TET1: variants seen among roughly 807,000 people sequenced by gnomAD.
The protein encoded by TET1 is methylcytosine dioxygenase TET1.
In TET1, 13 loss-of-function variants were observed where a neutral mutation model predicts 148.7. That is an observed-to-expected ratio of 0.09 (90% confidence interval 0.06 to 0.14). The LOEUF (loss-of-function observed/expected upper bound fraction) is 0.14, where lower values mean the gene tolerates loss of function less well. Among genes scored for constraint, TET1 ranks in the 10% least tolerant of loss-of-function variants. The pLI is 1.00. For synonymous variants in TET1, 907 were observed against 937.2 expected, an observed-to-expected ratio of 0.97 and a Z score of 0.59; for missense variants, 2,182 against 2,553.8, an observed-to-expected ratio of 0.85 and a Z score of 3.14.
chr10:68,668,409 G>A (rs1345514416), intron 7 of TET1, among the ~76,000 whole-genome samples: 1 of 152,140 alleles, frequency 6.6e-6, no homozygotes, highest in African/African-American at 2.4e-5. Flanking sequence ...AGCGATATTC[G>A]GGGAACTGCT....
intron 2 of TET1, among the ~76,000 whole-genome samples, chr10:68,576,943 CTG>C (rs1453952951): frequency 2.0e-5 from 3 of 151,708 alleles, no homozygotes; most frequent in East Asian, 1.9e-4. Context: ...GAGTCTCACT[CTG>C]TTGCCCAGGC....
intron 2 of TET1, among the ~76,000 whole-genome samples, chr10:68,581,453 C>G (rs7918752): frequency 6.6e-6 from 1 of 152,054 alleles, no homozygotes; most frequent in Non-Finnish European, 1.5e-5. Context: ...AAAAAAGGAA[C>G]GGGGGACTGT....
intron 4 of TET1, among the ~76,000 whole-genome samples, chr10:68,648,193 A>C (rs1382991316): frequency 6.6e-6 from 1 of 152,138 alleles, no homozygotes; most frequent in East Asian, 1.9e-4. Flanking sequence ...AATTAGTTTT[A>C]TTAGTGTGTT....
chr10:68,678,595 GA>G (rs1286876868), intron 8 of TET1, among the ~76,000 whole-genome samples: 1 of 151,736 alleles, frequency 6.6e-6, no homozygotes, highest in Non-Finnish European at 1.5e-5. Flanking sequence ...ACTAAAAATA[GA>G]AAAATTAGCC....
chr10:68,563,107 T>A (rs977142837), intron 1 of TET1, among the ~76,000 whole-genome samples: 1 of 152,164 alleles, frequency 6.6e-6, no homozygotes, highest in Non-Finnish European at 1.5e-5. Context: ...CAGTTCTATG[T>A]CCATTCTAAC....
At chr10:68,689,518 T>C (rs1173586912) in intron 11 of TET1, among the ~76,000 whole-genome samples, 3 of 151,676 alleles carry the variant, frequency 2.0e-5, no homozygotes, top group Non-Finnish European at 4.4e-5. Context: ...CTGGTCAACA[T>C]GGTGAAACCC....
At chr10:68,674,752 C>G (rs12783447) in intron 8 of TET1, 55,127 of 486,268 alleles carry the variant, frequency 0.11, 3,683 homozygotes, top group South Asian at 0.15. Flanking sequence ...CTAAAAAATG[C>G]AACAATCAGA....
At chr10:68,589,005 C>T (rs1455687523) in intron 2 of TET1, among the ~76,000 whole-genome samples, 1 of 151,992 alleles carries the variant, frequency 6.6e-6, no homozygotes, top group Non-Finnish European at 1.5e-5. Context: ...TGCCTGTAGT[C>T]TCAGCTAGTA....
intron 3 of TET1, among the ~76,000 whole-genome samples, chr10:68,624,099 C>CTTTTTTTTTTT (rs773374173): frequency 2.7e-5 from 4 of 148,030 alleles, no homozygotes; most frequent in South Asian, 2.1e-4. Flanking sequence ...TTCTTTCTTT[C>CTTTTTTTTTTT]TTTTCTTTTT....
chr10:68,667,328 T>C (rs975606928), intron 7 of TET1, 72 bp downstream of exon 7: 12 of 1,253,322 alleles, frequency 9.6e-6, no homozygotes, highest in Non-Finnish European at 1.3e-5. Flanking sequence ...GTTAATTAGC[T>C]ACCAACTATG....
At position 68,645,534 on chromosome 10, in the gene TET1, C is replaced by T. The variant is rs1225142998; in HGVS notation, c.2805C>T (p.Tyr935=). The change falls in exon 4 of 12, where the codon TAC becomes TAT. Residue 935 remains tyrosine (Y), a synonymous_variant. Transcript: ENST00000373644. ...TTAATAGCTGCAAAGCTATCCTCTACACTGTAAGAAAAGACCTCCAAGACC... is the reference window on the plus strand; with the variant it reads ...TTAATAGCTGCAAAGCTATCCTCTATACTGTAAGAAAAGACCTCCAAGACC... ...SLLNSCKAIL[Y]TVRKDLQDPN... is the part of the protein sequence containing the mutation. The T allele has an allele frequency of 3.1e-6, 5 of 1,614,176 alleles. No homozygotes were observed. Among genetic ancestry groups the T allele is most frequent in the Non-Finnish European group, 4.2e-6 (5 of 1,180,046 alleles).
rs2054434181 is a variant in TET1 at position 68,624,640 on chromosome 10, CTTTCTTTCTT to C, written c.1969-20056_1969-20047del. Among the ~76,000 whole-genome samples, 20 of 47,958 alleles carry C rather than the reference CTTTCTTTCTT, an allele frequency of 4.2e-4. No individual in the cohort carries two copies. In the South Asian group the frequency reaches 7.0e-3, roughly 17 times the overall value. 31.5% of individuals were successfully genotyped at this position (47,958 alleles called of 152,430 possible). ...TCTTTCTTTCTTTCTTTCTTTCTTT[CTTTCTTTCTT>C]TCTTTCTTTCTCTCTCTCTCTCTCT... On this transcript the variant is annotated intron_variant, in intron 3 of 11. Transcript: ENST00000373644.
At chr10:68,625,110 CATT>C (rs1328806733) in intron 3 of TET1, among the ~76,000 whole-genome samples, 3 of 152,092 alleles carry the variant, frequency 2.0e-5, no homozygotes, top group East Asian at 3.9e-4. Context: ...TTATTGGTCT[CATT>C]TATTATTGGC....
At chr10:68,630,903 C>A (rs1303356279) in intron 3 of TET1, among the ~76,000 whole-genome samples, 1 of 152,202 alleles carries the variant, frequency 6.6e-6, no homozygotes, top group Non-Finnish European at 1.5e-5. Context: ...TAGTCAGGTG[C>A]GGGGGCACTC....
intron 11 of TET1, among the ~76,000 whole-genome samples, chr10:68,688,063 T>C (rs925426334): frequency 6.6e-6 from 1 of 152,126 alleles, no homozygotes; most frequent in Non-Finnish European, 1.5e-5. Context: ...GCTAGAACTA[T>C]AGGCGTGCAC....
intron 2 of TET1, among the ~76,000 whole-genome samples, chr10:68,599,557 AC>A (rs2054027699): frequency 1.3e-5 from 2 of 151,958 alleles, no homozygotes; most frequent in African/African-American, 4.8e-5. Flanking sequence ...ACTGCCTACC[AC>A]CCACTGGGCG....
Position 68,573,328 on chromosome 10 carries a change from C to T in TET1, c.990C>T (p.Leu330=). The T allele has an allele frequency of 6.2e-7, 1 of 1,614,146 alleles. No individual in the cohort carries two copies. ...STSPTSVIKF[L]LAGSKQATLG... ...CTCCTACCTCTGTAATAAAATTCCT[C>T]TTGGCAGGCTCAAAACAAGCGACCC... is the stretch of plus-strand genomic sequence containing the variant. The change falls in exon 2 of 12, where the codon CTC becomes CTT. Residue 330 remains leucine (L), a synonymous_variant. Coordinates refer to ENST00000373644, the MANE Select transcript of TET1 (RefSeq NM_030625.3).
chr10:68,561,009 C>T (rs2053546092), intron 1 of TET1, among the ~76,000 whole-genome samples: 1 of 152,168 alleles, frequency 6.6e-6, no homozygotes, highest in Admixed American at 6.5e-5. Flanking sequence ...CGCCACAGCG[C>T]CGGGTTGGGG....
At chr10:68,676,268 ATTTTTTTTTTTTTTTT>A (rs1217792442) in intron 8 of TET1, among the ~76,000 whole-genome samples, 1 of 36,008 alleles carries the variant, frequency 2.8e-5, no homozygotes, top group African/African-American at 1.3e-4. Flanking sequence ...ATATATATAT[ATTTTTTTTTTTTTTTT>A]TTTTTTTTTT....
Sources: gnomAD v4.1 joint callset for allele counts (sites outside exome capture counted in the v4.1 genomes callset) on GRCh38, gnomAD v4.1.1 for gene constraint, MANE v1.5 for transcripts, NCBI Gene and HGNC (gene_info 2026-07-23, HGNC 2026-07-21) for gene names.